CLDN16: variants seen among roughly 807,000 people sequenced by gnomAD.
CLDN16 encodes claudin-16.
Under a neutral mutation model 24.6 loss-of-function variants are expected in CLDN16, and 13 were observed. The ratio of observed to expected loss-of-function variants is 0.53; its 90% confidence interval spans 0.34 to 0.84. CLDN16 has a LOEUF of 0.84. CLDN16 is among the 40% of genes least tolerant of loss of function. The pLI, the probability that CLDN16 is intolerant of heterozygous loss-of-function variation, is 0.01. For synonymous variants in CLDN16, 116 were observed against 106.7 expected, an observed-to-expected ratio of 1.09 and a Z score of -0.54; for missense variants, 298 against 292.7, an observed-to-expected ratio of 1.02 and a Z score of -0.13.
chr3:190,349,919 CA>C (rs1218150539), intron 1 of CLDN16, among the ~76,000 whole-genome samples: 1 of 152,136 alleles, frequency 6.6e-6, no homozygotes, highest in Admixed American at 6.5e-5. Flanking sequence ...TTAACCCATT[CA>C]ACTCACAAGC....
chr3:190,391,052 A>C (rs1424104507), intron 1 of CLDN16, among the ~76,000 whole-genome samples: 1 of 152,104 alleles, frequency 6.6e-6, no homozygotes, highest in Non-Finnish European at 1.5e-5. Flanking sequence ...CTCCTAAAGT[A>C]CTGGGATTAT....
At chr3:190,324,758 A>G (rs1717023163) in intron 1 of CLDN16, among the ~76,000 whole-genome samples, 1 of 152,158 alleles carries the variant, frequency 6.6e-6, no homozygotes, top group Non-Finnish European at 1.5e-5. Context: ...GCCCATCTCT[A>G]GGCATCCTTA....
At chr3:190,409,221 TATATGCATGTATATATGCACACAC>T (rs1719199756) in intron 4 of CLDN16, among the ~76,000 whole-genome samples, 1 of 149,704 alleles carries the variant, frequency 6.7e-6, no homozygotes, top group Admixed American at 6.6e-5. Flanking sequence ...TGCACACACG[TATATGCATGTATATATGCACACAC>T]GTATATGCAT....
intron 2 of CLDN16, chr3:190,374,509 A>G (rs1296041743): frequency 6.6e-6 from 1 of 151,926 alleles, no homozygotes; most frequent in East Asian, 1.9e-4. Flanking sequence ...ATAACAATCC[A>G]TTCTTTATCA....
intron 1 of CLDN16, among the ~76,000 whole-genome samples, chr3:190,324,907 G>A (rs991928777): frequency 5.3e-5 from 8 of 152,190 alleles, no homozygotes; most frequent in Non-Finnish European, 1.2e-4. Context: ...AGTAAAGGCA[G>A]CACTGAGACC....
At chr3:190,389,642 C>T (rs1718599010) in intron 1 of CLDN16, among the ~76,000 whole-genome samples, 1 of 140,960 alleles carries the variant, frequency 7.1e-6, no homozygotes, top group Non-Finnish European at 1.6e-5. Flanking sequence ...TAGAATTGAA[C>T]TACTGTAAAG....
intron 1 of CLDN16, 23 bp from the exon 2 acceptor site, chr3:190,402,314 A>G: frequency 6.4e-7 from 1 of 1,565,576 alleles, no homozygotes; most frequent in Non-Finnish European, 8.8e-7. Context: ...ATTGTTTCAC[A>G]CGGTGTCTTC....
chr3:190,304,863 TAAAC>T, the CLDN16 span, among the ~76,000 whole-genome samples: 1 of 152,176 alleles, frequency 6.6e-6, no homozygotes, highest in African/African-American at 2.4e-5. Context: ...TAGAAAGTGT[TAAAC>T]AAGAGGAGGA....
chr3:190,389,663 A>C (rs925989572), intron 1 of CLDN16, among the ~76,000 whole-genome samples: 4 of 152,226 alleles, frequency 2.6e-5, no homozygotes, highest in African/African-American at 9.6e-5. Context: ...GATGTCTGCT[A>C]TAAGTGAGCC....
At chr3:190,322,029 C>T, upstream of CLDN16, 2 of 1,614,184 alleles carry the variant, frequency 1.2e-6, no homozygotes, top group South Asian at 1.1e-5. Context: ...TGGATCTGCC[C>T]GGTGCTCTGC....
chr3:190,334,930 G>A (rs1224619975), intron 1 of CLDN16, among the ~76,000 whole-genome samples: 1 of 151,604 alleles, frequency 6.6e-6, no homozygotes, highest in Admixed American at 6.6e-5. Context: ...GAAACAATTT[G>A]TACTCCAGAG....
chr3:190,405,039 T>A, intron 3 of CLDN16, 113 bp downstream of exon 3: 3 of 1,074,044 alleles, frequency 2.8e-6, no homozygotes, highest in Non-Finnish European at 4.3e-6. Context: ...TGGCTTCCCT[T>A]TCTAGATTGA....
chr3:190,396,950 C>T (rs1175754453), intron 1 of CLDN16, among the ~76,000 whole-genome samples: 7 of 152,132 alleles, frequency 4.6e-5, no homozygotes, highest in Non-Finnish European at 7.4e-5. Flanking sequence ...CCAGCGTTCA[C>T]GAGAGAGGCA....
chr3:190,312,857 C>T, the CLDN16 span: 18 of 1,613,662 alleles, frequency 1.1e-5, 1 homozygote, highest in Admixed American at 2.8e-4. Context: ...GAAAGGGGGG[C>T]ACAGCCTCTA....
intron 1 of CLDN16, among the ~76,000 whole-genome samples, chr3:190,351,485 TGTG>T (rs1717671477): frequency 6.6e-6 from 1 of 152,186 alleles, no homozygotes; most frequent in Non-Finnish European, 1.5e-5. Flanking sequence ...AGTTTTCTCA[TGTG>T]TAAAATGTAA....
At chr3:190,350,342 T>A (rs1174381790) in intron 1 of CLDN16, among the ~76,000 whole-genome samples, 1 of 76,550 alleles carries the variant, frequency 1.3e-5, no homozygotes, top group African/African-American at 6.9e-5. Context: ...TAGTTCATAA[T>A]GTTATATATA....
At chr3:190,327,503 A>G (rs2108620785) in intron 1 of CLDN16, among the ~76,000 whole-genome samples, 1 of 152,336 alleles carries the variant, frequency 6.6e-6, no homozygotes, top group Non-Finnish European at 1.5e-5. Context: ...CCACTGAATT[A>G]GATAACTATC....
intron 1 of CLDN16, among the ~76,000 whole-genome samples, chr3:190,351,246 A>G (rs1443128291): frequency 2.0e-5 from 3 of 152,014 alleles, no homozygotes; most frequent in East Asian, 3.9e-4. Context: ...AGGCTGCAGA[A>G]CCATGAGCCA....
At chr3:190,358,847 A>C (rs1039992200) in intron 1 of CLDN16, among the ~76,000 whole-genome samples, 2 of 152,052 alleles carry the variant, frequency 1.3e-5, no homozygotes, top group African/African-American at 4.8e-5. Flanking sequence ...TTGGAAGGAC[A>C]TCAGTAGTTA....
Sources: allele counts gnomAD v4.1 joint callset (sites outside exome capture counted in the v4.1 genomes callset), GRCh38; gene constraint gnomAD v4.1.1; transcripts MANE v1.5; gene names NCBI Gene and HGNC (gene_info 2026-07-23, HGNC 2026-07-21).